GALNTL5: variants seen among roughly 807,000 people sequenced by gnomAD.
GALNTL5 encodes inactive polypeptide N-acetylgalactosaminyltransferase-like protein 5.
Under a neutral mutation model 51.0 loss-of-function variants are expected in GALNTL5, and 44 were observed. The ratio of observed to expected loss-of-function variants is 0.86; its 90% CI spans 0.68 to 1.11. GALNTL5 has a LOEUF of 1.11. GALNTL5 is among the 50% of genes least tolerant of loss of function. The pLI is 0.00. For synonymous variants in GALNTL5, 192 were observed against 182.8 expected, an observed-to-expected ratio of 1.05 and a Z score of -0.41; for missense variants, 528 against 531.8, an observed-to-expected ratio of 0.99 and a Z score of 0.07.
chr7:151,981,591 CTCCTTCCTTCCTTCCCTCCT>C (rs745960082), intron 3 of GALNTL5, among the ~76,000 whole-genome samples: 5,611 of 51,500 alleles, frequency 0.11, 245 homozygotes, highest in Non-Finnish European at 0.13. Flanking sequence ...CCTTCCTTCC[CTCCTTCCTTCCTTCCCTCCT>C]TCCTTCCTTC....
intron 8 of GALNTL5, among the ~76,000 whole-genome samples, chr7:152,018,353 C>T (rs1476078483): frequency 1.3e-5 from 2 of 152,170 alleles, no homozygotes; most frequent in African/African-American, 2.4e-5. Context: ...TTGGTTATAG[C>T]TGAACTGTTT....
chr7:151,971,976 T>G (rs1280707060), intron 3 of GALNTL5, among the ~76,000 whole-genome samples: 3 of 152,164 alleles, frequency 2.0e-5, no homozygotes, highest in Admixed American at 6.5e-5. Flanking sequence ...TCAGGTAGAA[T>G]CTTTATAGCA....
At chr7:151,968,081 A>G (rs941142071) in intron 2 of GALNTL5, among the ~76,000 whole-genome samples, 3 of 152,150 alleles carry the variant, frequency 2.0e-5, no homozygotes, top group African/African-American at 7.2e-5. Context: ...GGATCACTTG[A>G]GGCCAGGAGT....
intron 8 of GALNTL5, among the ~76,000 whole-genome samples, chr7:152,017,948 G>A (rs2081840545): frequency 1.3e-5 from 2 of 152,062 alleles, no homozygotes; most frequent in East Asian, 3.9e-4. Flanking sequence ...CACGTTCAGT[G>A]ATTCTCCTGC....
chr7:151,959,793 A>G (rs957742746), intron 1 of GALNTL5, among the ~76,000 whole-genome samples: 1 of 152,152 alleles, frequency 6.6e-6, no homozygotes, highest in South Asian at 2.1e-4. Flanking sequence ...ACTGGGGGGA[A>G]GGTCCTGAGG....
intron 6 of GALNTL5, among the ~76,000 whole-genome samples, chr7:152,006,340 A>G (rs1461567597): frequency 6.6e-6 from 1 of 152,244 alleles, no homozygotes; most frequent in Non-Finnish European, 1.5e-5. Context: ...AATCTTTCTA[A>G]GGCTTTAATA....
chr7:151,957,908 T>C (rs1024598112), intron 1 of GALNTL5: 1 of 152,076 alleles, frequency 6.6e-6, no homozygotes, highest in Non-Finnish European at 1.5e-5. Flanking sequence ...TTTCTGTGTT[T>C]TGTGGGAGTA....
At chr7:151,961,907 T>C (rs1372278263) in intron 1 of GALNTL5, among the ~76,000 whole-genome samples, 2 of 151,280 alleles carry the variant, frequency 1.3e-5, no homozygotes, top group Non-Finnish European at 2.9e-5. Flanking sequence ...ATAAAGAAAA[T>C]CAGCAGGTCC....
chr7:151,978,591 A>G (rs1446431869), intron 3 of GALNTL5, among the ~76,000 whole-genome samples: 1 of 152,228 alleles, frequency 6.6e-6, no homozygotes, highest in Non-Finnish European at 1.5e-5. Context: ...TAGGGCTGCT[A>G]TAAGAAAGTA....
intron 1 of GALNTL5, among the ~76,000 whole-genome samples, chr7:151,961,642 C>T (rs1275328497): frequency 6.6e-6 from 1 of 152,088 alleles, no homozygotes; most frequent in Non-Finnish European, 1.5e-5. Flanking sequence ...AGGACAGACG[C>T]TGACGGTCCT....
chr7:151,986,693 T>C (rs1211710616), intron 4 of GALNTL5, among the ~76,000 whole-genome samples: 2 of 151,684 alleles, frequency 1.3e-5, no homozygotes, highest in African/African-American at 4.8e-5. Context: ...GAATCACTTG[T>C]GTTTCTCTCC....
chr7:151,961,310 T>C (rs2080987979), intron 1 of GALNTL5, among the ~76,000 whole-genome samples: 2 of 151,020 alleles, frequency 1.3e-5, no homozygotes, highest in South Asian at 4.2e-4. Context: ...GAAACCAGCC[T>C]GGGTAACATG....
At chr7:152,000,178 G>A (rs2081553869) in intron 5 of GALNTL5, among the ~76,000 whole-genome samples, 1 of 152,222 alleles carries the variant, frequency 6.6e-6, no homozygotes, top group African/African-American at 2.4e-5. Flanking sequence ...TTTTAGATTA[G>A]TAGCTGTATT....
intron 8 of GALNTL5, among the ~76,000 whole-genome samples, chr7:152,018,943 C>T (rs145151761): frequency 5.9e-5 from 9 of 152,286 alleles, no homozygotes; most frequent in Non-Finnish European, 1.0e-4. Flanking sequence ...GTTCTGTTTG[C>T]GAAGGGCTTC....
intron 5 of GALNTL5, among the ~76,000 whole-genome samples, chr7:151,990,545 C>G: frequency 9.8e-6 from 1 of 101,708 alleles, no homozygotes; most frequent in East Asian, 2.9e-4. Context: ...TGCGCCACTG[C>G]ACTCCAGCCT....
At chr7:151,966,060 C>T (rs947052209) in intron 1 of GALNTL5, among the ~76,000 whole-genome samples, 8 of 152,004 alleles carry the variant, frequency 5.3e-5, no homozygotes, top group Non-Finnish European at 1.0e-4. Flanking sequence ...TTGGTGTACC[C>T]ATAAATAATT....
chr7:152,005,823 A>G (rs1316137983), intron 6 of GALNTL5, among the ~76,000 whole-genome samples: 2 of 152,370 alleles, frequency 1.3e-5, no homozygotes, highest in South Asian at 2.1e-4. Context: ...GACTCAATCT[A>G]TAACATGATA....
intron 1 of GALNTL5, among the ~76,000 whole-genome samples, chr7:151,965,498 T>A (rs1462720765): frequency 6.6e-6 from 1 of 152,228 alleles, no homozygotes; most frequent in Non-Finnish European, 1.5e-5. Context: ...AAAAATATCA[T>A]GAGCACTCTG....
chr7:151,999,612 C>T (rs78581677), intron 5 of GALNTL5, among the ~76,000 whole-genome samples: 2,086 of 152,244 alleles, frequency 0.014, 50 homozygotes, highest in African/African-American at 0.047. Flanking sequence ...CATGATGTTT[C>T]GCATCTGTTT....
Sources: allele counts gnomAD v4.1 joint callset (sites outside exome capture counted in the v4.1 genomes callset), GRCh38; gene constraint gnomAD v4.1.1; transcripts MANE v1.5; gene names NCBI Gene and HGNC (gene_info 2026-07-23, HGNC 2026-07-21).